The following PHRF1 variants were observed in gnomAD, a reference collection of about 807,000 sequenced individuals.
The protein encoded by PHRF1 is PHD and RING finger domain-containing protein 1.
PHRF1 carries 53 observed loss-of-function variants against 128.9 expected under a neutral mutation model. The observed-to-expected ratio is 0.41, with a 90% confidence interval of 0.33 to 0.52. PHRF1 has a LOEUF of 0.52. Ranked by LOEUF, PHRF1 falls within the 20% of genes least tolerant of loss-of-function variation. PHRF1 has a pLI of 0.21. For missense variants in PHRF1, 2,503 were observed against 2,284.5 expected (o/e 1.10, Z -1.95); for synonymous variants, 1,178 against 980.6 (o/e 1.20, Z -3.76).
rs1020429937 is a variant in PHRF1 at position 597,358 on chromosome 11, G to A, written c.719-37G>A. Reference sequence around the variant, plus strand: ...AGCCGTTGGGGGAGGCGTGTGGCCTGTGAGTGTGGCACATCAGCCCTGGTG... The same window carrying A: ...AGCCGTTGGGGGAGGCGTGTGGCCTATGAGTGTGGCACATCAGCCCTGGTG... On this transcript the variant is annotated intron_variant, in intron 7 of 17. Coordinates refer to ENST00000264555, the MANE Select transcript of PHRF1 (RefSeq NM_001286581.2). The surrounding 1 kb of genome is among the most constrained non-coding windows in gnomAD (Gnocchi z 6.5). 1 of 1,594,628 alleles carries A rather than the reference G, an allele frequency of 6.3e-7. No individual in the cohort carries two copies. Among genetic ancestry groups the A allele is most frequent in the Non-Finnish European group, 8.6e-7 (1 of 1,168,962 alleles).
intron 6 of PHRF1, among the ~76,000 whole-genome samples, chr11:593,947 T>C (rs1855134073): frequency 6.6e-6 from 1 of 152,190 alleles, no homozygotes; most frequent in South Asian, 2.1e-4. Flanking sequence ...TGGGAGCGTC[T>C]GCTGCCAGTT....
rs57223240 is a variant in PHRF1 at position 596,866 on chromosome 11, A to C, written c.621-57A>C. ...TGCTTTGTGGTCCCCTCACTTGAGGAGGTTTGGGAAAGCTGTGAGCAGCAC... is the reference window on the plus strand; with the variant it reads ...TGCTTTGTGGTCCCCTCACTTGAGGCGGTTTGGGAAAGCTGTGAGCAGCAC... On this transcript the variant is annotated intron_variant, in intron 6 of 17. Coordinates refer to ENST00000264555, the MANE Select transcript of PHRF1 (RefSeq NM_001286581.2). The C allele has an allele frequency of 8.0e-3, 11,912 of 1,487,106 alleles. 762 individuals are homozygous for C. The African/African-American group carries it at 0.14, about 17-fold the overall frequency. 92.1% of individuals were successfully genotyped at this position (1,487,106 alleles called of 1,614,324 possible). A position where few individuals can be genotyped will look rare whatever the true frequency, so the allele number is the denominator to read the frequency against.
chr11:593,827 A>G (rs567462528), intron 6 of PHRF1, among the ~76,000 whole-genome samples: 168 of 152,282 alleles, frequency 1.1e-3, no homozygotes, highest in Non-Finnish European at 1.8e-3. Flanking sequence ...CTCTGCTCAC[A>G]TTCGCAGACA....
At position 607,774 on chromosome 11, in the gene PHRF1, C is replaced by T. The variant is rs1022028722; in HGVS notation, c.2318C>T (p.Thr773Ile). The T allele has an allele frequency of 5.0e-6, 8 of 1,612,532 alleles. No individual in the cohort carries two copies. Among genetic ancestry groups the T allele is most frequent in the Non-Finnish European group, 6.8e-6 (8 of 1,179,848 alleles). Residue 773 changes from threonine (T) to isoleucine (I), a missense_variant, in exon 14 of 18, where the codon ACC (threonine) becomes ATC (isoleucine). Thr to Ile is a moderately conservative substitution (Grantham distance 89). Coordinates refer to ENST00000264555, the MANE Select transcript of PHRF1 (RefSeq NM_001286581.2). ...GPSRGKGVGS[T>I]FESFRINIPG... The stretch of plus-strand genomic sequence containing the variant: ...TCAAGAGGGAAAGGGGTCGGGTCGA[C>T]CTTTGAGAGCTTCCGGATCAATATT...
rs1855938377 is a variant in PHRF1 at position 606,364 on chromosome 11, G to C, written c.1455-78G>C. On this transcript the variant is annotated intron_variant, in intron 12 of 17. Coordinates refer to ENST00000264555, the MANE Select transcript of PHRF1 (RefSeq NM_001286581.2). ...GCCCCACTCTCCCTGGCTCCCGCCT[G>C]CTGCGGGGCTCTGCCTGGGTGCGGG... is the stretch of plus-strand genomic sequence containing the variant. 2.8e-6 allele frequency: 4 copies of C among 1,450,206 alleles called. No homozygotes were observed. The South Asian group carries it at 4.1e-5, about 15-fold the overall frequency. The allele number at this position is 1,450,206 out of a possible 1,614,324, so 89.8% of individuals were successfully genotyped here. A position where few individuals can be genotyped will look rare whatever the true frequency, so the allele number is the denominator to read the frequency against.
intron 5 of PHRF1, among the ~76,000 whole-genome samples, chr11:592,137 G>C (rs541106744): frequency 9.2e-5 from 14 of 151,752 alleles, no homozygotes; most frequent in Non-Finnish European, 1.9e-4. Context: ...GGATGGTCTC[G>C]ATCTCCTGAC....
chr11:606,336 C>T, intron 12 of PHRF1, 106 bp from the exon 13 acceptor site: 1 of 1,390,742 alleles, frequency 7.2e-7, no homozygotes, highest in Non-Finnish European at 9.5e-7. Context: ...CAGGCCCGGC[C>T]CAGCCCCACT....
chr11:583,163 A>AC (rs1854315296), intron 3 of PHRF1, among the ~76,000 whole-genome samples: 2 of 149,086 alleles, frequency 1.3e-5, no homozygotes, highest in South Asian at 2.1e-4. Context: ...ACATGGTGAA[A>AC]CCCCGTCTCT....
Position 610,490 on chromosome 11 carries a change from G to A in PHRF1, c.4417-11G>A, listed in dbSNP as rs752564947. The A allele has an allele frequency of 1.9e-6, 3 of 1,599,710 alleles. No individual in the cohort carries two copies. The highest frequency in any genetic ancestry group is 2.6e-6 in the Non-Finnish European group (3 of 1,175,446). ...GTAGGGCCCAGTGCTCAGCAGGGGT[G>A]TCCCTCCCAGGTTTACAGCCCCGGC... On this transcript the variant is annotated splice_polypyrimidine_tract_variant and intron_variant, in intron 15 of 17. Transcript: ENST00000264555.
intron 9 of PHRF1, among the ~76,000 whole-genome samples, chr11:600,496 AT>A (rs1315235310): frequency 1.7e-3 from 65 of 37,668 alleles, no homozygotes; most frequent in Admixed American, 9.1e-3. Flanking sequence ...CTCCAAAAAT[AT>A]ATATATATAT....
chr11:594,348 G>A (rs1037712975), intron 6 of PHRF1, among the ~76,000 whole-genome samples: 2 of 152,264 alleles, frequency 1.3e-5, no homozygotes, highest in African/African-American at 2.4e-5. Flanking sequence ...GAGCCTTCTA[G>A]TGGCTCGAGG....
At chr11:586,520 A>C (rs573850103) in intron 3 of PHRF1, among the ~76,000 whole-genome samples, 8 of 152,196 alleles carry the variant, frequency 5.3e-5, no homozygotes, top group Admixed American at 5.2e-4. Flanking sequence ...CGGGCCTAGG[A>C]GGAACCTGCC....
chr11:577,184 C>T (rs997025835), intron 1 of PHRF1, among the ~76,000 whole-genome samples: 21 of 152,190 alleles, frequency 1.4e-4, no homozygotes, highest in African/African-American at 3.6e-4. Flanking sequence ...AAGAGCCTCT[C>T]AGGTGTAGGT....
At chr11:582,387 C>T (rs1854260073) in intron 3 of PHRF1, among the ~76,000 whole-genome samples, 2 of 151,860 alleles carry the variant, frequency 1.3e-5, no homozygotes, top group African/African-American at 4.8e-5. Flanking sequence ...GGCTCAGCCT[C>T]GTGAGTAGCT....
intron 4 of PHRF1, among the ~76,000 whole-genome samples, chr11:591,054 A>G (rs1788350976): frequency 1.3e-5 from 2 of 152,228 alleles, no homozygotes; most frequent in South Asian, 2.1e-4. Flanking sequence ...AATCTTTTGG[A>G]AAAGTTAGCA....
intron 1 of PHRF1, among the ~76,000 whole-genome samples, chr11:578,693 G>A (rs1854032130): frequency 6.6e-6 from 1 of 152,146 alleles, no homozygotes; most frequent in South Asian, 2.1e-4. Flanking sequence ...AGACTCCCGA[G>A]CAGCTGGGAC....
Position 609,249 on chromosome 11 carries a change from G to T in PHRF1, c.3793G>T (p.Val1265Leu), listed in dbSNP as rs750089113. Residue 1265 changes from valine to leucine, a missense_variant, in exon 14 of 18, where the codon GTG becomes TTG. Transcript: ENST00000264555. ...DDLDLDYGDS[V>L]EAGHVFDDFS... ...CCTGGACCTGGATTATGGCGACTCCGTGGAGGCCGGACACGTCTTTGATGA... is the reference window on the plus strand; with the variant it reads ...CCTGGACCTGGATTATGGCGACTCCTTGGAGGCCGGACACGTCTTTGATGA... The T allele has an allele frequency of 6.2e-7, 1 of 1,611,626 alleles. No individual in the cohort carries two copies. Among genetic ancestry groups the T allele is most frequent in the Non-Finnish European group, 8.5e-7 (1 of 1,179,888 alleles).
chr11:600,493 A>AT (rs1855563084), intron 9 of PHRF1, among the ~76,000 whole-genome samples: 12 of 129,342 alleles, frequency 9.3e-5, no homozygotes, highest in Admixed American at 6.1e-4. Flanking sequence ...TGTCTCCAAA[A>AT]ATATATATAT....
intron 4 of PHRF1, among the ~76,000 whole-genome samples, chr11:589,254 G>A (rs895765354): frequency 1.3e-5 from 2 of 152,206 alleles, no homozygotes; most frequent in Non-Finnish European, 2.9e-5. Context: ...AAGGAGACGT[G>A]TAAGACATTT....
Sources: allele counts gnomAD v4.1 joint callset (sites outside exome capture counted in the v4.1 genomes callset), GRCh38; gene constraint gnomAD v4.1.1; non-coding constraint Gnocchi (gnomAD v3.1); transcripts MANE v1.5; gene names NCBI Gene and HGNC (gene_info 2026-07-23, HGNC 2026-07-21).